The following CACNB2 variants were observed in gnomAD, a reference collection of about 807,000 sequenced individuals.
The protein encoded by CACNB2 is voltage-dependent L-type calcium channel subunit beta-2.
CACNB2 carries 42 observed loss-of-function variants against 73.3 expected under a neutral mutation model. That is an observed-to-expected ratio of 0.57 (90% CI 0.45 to 0.74). CACNB2 has a LOEUF of 0.74. Ranked by LOEUF, CACNB2 falls within the 30% of genes least tolerant of loss-of-function variation. The pLI is 0.00. For synonymous variants in CACNB2, 348 were observed against 310.3 expected (o/e 1.12, Z -1.28); for missense variants, 940 against 853.0 (o/e 1.10, Z -1.27).
chr10:18,308,468 C>T (rs1007614649), intron 2 of CACNB2, among the ~76,000 whole-genome samples: 7 of 152,324 alleles, frequency 4.6e-5, no homozygotes, highest in East Asian at 3.9e-4. Context: ...TCCCGCCCTC[C>T]GCTCTCCAGG....
intron 3 of CACNB2, among the ~76,000 whole-genome samples, chr10:18,451,304 A>G (rs2047010898): frequency 6.6e-6 from 1 of 152,206 alleles, no homozygotes; most frequent in African/African-American, 2.4e-5. Flanking sequence ...CCCAGCTGCA[A>G]TTTTAAGAAG....
intron 2 of CACNB2, among the ~76,000 whole-genome samples, chr10:18,307,232 G>A (rs1352382433): frequency 6.6e-6 from 1 of 152,192 alleles, no homozygotes; most frequent in Non-Finnish European, 1.5e-5. Context: ...GGGAGGCCAT[G>A]GCGGGCAGAT....
intron 2 of CACNB2, among the ~76,000 whole-genome samples, chr10:18,291,454 A>G (rs1471930246): frequency 6.6e-6 from 1 of 152,140 alleles, no homozygotes; most frequent in Non-Finnish European, 1.5e-5. Flanking sequence ...TCCACTTCGG[A>G]TGTTGTGGCT....
chr10:18,503,931 T>G (rs1262540619), intron 5 of CACNB2, among the ~76,000 whole-genome samples: 3 of 152,204 alleles, frequency 2.0e-5, no homozygotes, highest in Non-Finnish European at 4.4e-5. Context: ...TGCTTTCTCA[T>G]AAAAACTCCC....
chr10:18,237,038 G>C (rs2036472176), intron 2 of CACNB2, among the ~76,000 whole-genome samples: 1 of 152,166 alleles, frequency 6.6e-6, no homozygotes, highest in African/African-American at 2.4e-5. Flanking sequence ...GAAAGAAAGA[G>C]GCTCTGCTTA....
intron 2 of CACNB2, among the ~76,000 whole-genome samples, chr10:18,217,947 G>A (rs1221267851): frequency 6.6e-6 from 1 of 152,114 alleles, no homozygotes; most frequent in Non-Finnish European, 1.5e-5. Flanking sequence ...TAGTTTCTCA[G>A]TAAGAATTTC....
chr10:18,245,351 C>A (rs1341831432), intron 2 of CACNB2, among the ~76,000 whole-genome samples: 1 of 152,156 alleles, frequency 6.6e-6, no homozygotes, highest in Non-Finnish European at 1.5e-5. Flanking sequence ...CAGGGTCTCA[C>A]TCCGTTGCAC....
chr10:18,221,459 A>T (rs2035789644), intron 2 of CACNB2, among the ~76,000 whole-genome samples: 1 of 152,174 alleles, frequency 6.6e-6, no homozygotes. Context: ...CAAGAGGATC[A>T]CTTGAGGCCA....
intron 2 of CACNB2, among the ~76,000 whole-genome samples, chr10:18,216,995 T>A (rs1176704921): frequency 6.6e-6 from 1 of 152,228 alleles, no homozygotes; most frequent in Non-Finnish European, 1.5e-5. Context: ...CTTTCTAGGA[T>A]ATAAATAGAA....
At chr10:18,538,453 T>G in intron 13 of CACNB2, 88 bp downstream of exon 13, 1 of 1,156,706 alleles carries the variant, frequency 8.6e-7, no homozygotes, top group Non-Finnish European at 1.3e-6. Flanking sequence ...CCAAGCCCAG[T>G]AGCCTGCTTG....
chr10:18,464,845 G>A (rs2047788528), intron 3 of CACNB2, among the ~76,000 whole-genome samples: 1 of 152,234 alleles, frequency 6.6e-6, no homozygotes, highest in Non-Finnish European at 1.5e-5. Flanking sequence ...TGTATTTAGT[G>A]GTTAGAACAT....
intron 2 of CACNB2, among the ~76,000 whole-genome samples, chr10:18,223,839 C>T (rs979852463): frequency 6.6e-6 from 1 of 151,964 alleles, no homozygotes; most frequent in African/African-American, 2.4e-5. Flanking sequence ...TAAATTTTCC[C>T]TTTGTGTTGC....
chr10:18,163,368 G>A (rs1186647898), intron 2 of CACNB2, among the ~76,000 whole-genome samples: 5 of 152,096 alleles, frequency 3.3e-5, no homozygotes, highest in Admixed American at 6.5e-5. Flanking sequence ...GAATGTTTAC[G>A]TGTTTGTTGG....
intron 3 of CACNB2, among the ~76,000 whole-genome samples, chr10:18,445,443 G>A (rs944136153): frequency 2.0e-5 from 3 of 152,148 alleles, no homozygotes; most frequent in Non-Finnish European, 4.4e-5. Flanking sequence ...TGGCAACAGA[G>A]TTTCCAGTGT....
chr10:18,384,787 T>C (rs1321863761), intron 2 of CACNB2, among the ~76,000 whole-genome samples: 1 of 148,506 alleles, frequency 6.7e-6, no homozygotes, highest in South Asian at 2.1e-4. Context: ...AATAAAGTAA[T>C]ATGAACATGG....
At chr10:18,317,948 T>C (rs112930007) in intron 2 of CACNB2, among the ~76,000 whole-genome samples, 3 of 152,222 alleles carry the variant, frequency 2.0e-5, no homozygotes, top group African/African-American at 4.8e-5. Flanking sequence ...CAAGGAGAAC[T>C]ACGAACCACT....
intron 4 of CACNB2, among the ~76,000 whole-genome samples, chr10:18,499,617 G>GAA (rs59492615): frequency 0.014 from 1,392 of 99,578 alleles, 78 homozygotes; most frequent in African/African-American, 0.026. Context: ...CTGTCTCAAA[G>GAA]AAAAAAAAAA....
At chr10:18,184,421 A>G (rs1170781124) in intron 2 of CACNB2, among the ~76,000 whole-genome samples, 1 of 152,230 alleles carries the variant, frequency 6.6e-6, no homozygotes, top group Non-Finnish European at 1.5e-5. Context: ...CATAAGCCCT[A>G]GACTCAGTTT....
At chr10:18,193,614 T>C (rs1401218447) in intron 2 of CACNB2, among the ~76,000 whole-genome samples, 4 of 152,134 alleles carry the variant, frequency 2.6e-5, no homozygotes, top group Non-Finnish European at 4.4e-5. Context: ...AGCTCCCCAC[T>C]CTAGTGTGGT....
Sources: gnomAD v4.1 joint callset for allele counts (sites outside exome capture counted in the v4.1 genomes callset) on GRCh38, gnomAD v4.1.1 for gene constraint, MANE v1.5 for transcripts, NCBI Gene and HGNC (gene_info 2026-07-23, HGNC 2026-07-21) for gene names.